Variants in LIPI observed in about 807,000 individuals in gnomAD.
LIPI encodes the protein lipase I.
LIPI carries 59 observed loss-of-function variants against 50.6 expected under a neutral mutation model. That is an observed-to-expected ratio of 1.16 (90% CI 0.94 to 1.45). The LOEUF is 1.45. Ranked by LOEUF, LIPI falls within the 40% of genes most tolerant of loss-of-function variation. The probability of loss-of-function intolerance (pLI) is 0.00; values close to 1 mark genes in which losing one functional copy is unlikely to be tolerated. For missense variants in LIPI, 586 were observed against 536.3 expected (o/e 1.09, Z -0.92); for synonymous variants, 203 against 178.2 (o/e 1.14, Z -1.11).
At chr21:14,113,576 G>A (rs28890299) in intron 9 of LIPI, among the ~76,000 whole-genome samples, 27,040 of 152,050 alleles carry the variant, frequency 0.18, 3,119 homozygotes, top group Non-Finnish European at 0.25. Flanking sequence ...CTTACTTCAA[G>A]TAGCCAAAAA....
At chr21:14,142,422 G>C (rs1310221894) in intron 9 of LIPI, among the ~76,000 whole-genome samples, 2 of 149,996 alleles carry the variant, frequency 1.3e-5, no homozygotes, top group Non-Finnish European at 3.0e-5. Context: ...CTTAATTATA[G>C]ATTATAATAA....
At chr21:14,132,715 C>T (rs536090085) in intron 9 of LIPI, among the ~76,000 whole-genome samples, 3 of 151,502 alleles carry the variant, frequency 2.0e-5, no homozygotes, top group Admixed American at 6.6e-5. Context: ...CATAAAACCA[C>T]AAAGTTCTTC....
At chr21:14,118,489 T>C (rs2016739416) in intron 9 of LIPI, among the ~76,000 whole-genome samples, 1 of 152,154 alleles carries the variant, frequency 6.6e-6, no homozygotes, top group South Asian at 2.1e-4. Flanking sequence ...GTGCCACTAT[T>C]AGGAAGAGAC....
intron 1 of LIPI, among the ~76,000 whole-genome samples, chr21:14,199,436 A>G (rs1306355400): frequency 6.6e-6 from 1 of 151,964 alleles, no homozygotes; most frequent in Non-Finnish European, 1.5e-5. Flanking sequence ...CAGAAACACA[A>G]CCACCAGAGA....
At chr21:14,135,710 A>G (rs2017471792) in intron 9 of LIPI, among the ~76,000 whole-genome samples, 1 of 152,192 alleles carries the variant, frequency 6.6e-6, no homozygotes. Context: ...CCTCTAAGTA[A>G]GCTTGAAAGG....
intron 4 of LIPI, among the ~76,000 whole-genome samples, chr21:14,173,313 A>T (rs895314193): frequency 6.6e-6 from 1 of 152,206 alleles, no homozygotes; most frequent in South Asian, 2.1e-4. Context: ...GGATTCACTA[A>T]CTGGAAAAAA....
chr21:14,111,844 T>C (rs1299342620), intron 9 of LIPI, among the ~76,000 whole-genome samples: 1 of 113,660 alleles, frequency 8.8e-6, no homozygotes, highest in African/African-American at 3.3e-5. Flanking sequence ...TTTATTTTCA[T>C]TTTGTTTTGT....
At position 14,189,114 on chromosome 21, in the gene LIPI, T is replaced by C. The variant is rs17000899; in HGVS notation, c.352A>G (p.Thr118Ala). 3,815 of 1,613,368 alleles carry C rather than the reference T, an allele frequency of 2.4e-3. 67 individuals carry two copies. In the African/African-American group the frequency reaches 0.045, roughly 19 times the overall value. Residue 118 changes from threonine to alanine, a missense_variant, in exon 2 of 10, where the codon ACA (threonine) becomes GCA (alanine). Transcript: ENST00000681601. ...ACTGCTCTATTATAAATAAAAGTTG[T>C]AGCACCCCGGCTCCAGTCTACTACA... The part of the protein sequence containing the change: ...VIVVDWSRGA[T>A]TFIYNRAVKN...
At chr21:14,144,927 TTA>T in intron 8 of LIPI, 128 bp from the exon 9 acceptor site, 1 of 591,114 alleles carries the variant, frequency 1.7e-6, no homozygotes, top group Non-Finnish European at 3.0e-6. Flanking sequence ...AAACAAAATA[TTA>T]TTGCAGTATT....
chr21:14,178,964 A>G (rs1167915249), intron 4 of LIPI, among the ~76,000 whole-genome samples: 1 of 152,188 alleles, frequency 6.6e-6, no homozygotes, highest in African/African-American at 2.4e-5. Context: ...GGCAACTCAG[A>G]TAACGAGAAG....
intron 9 of LIPI, chr21:14,143,633 C>T (rs1033119716): frequency 1.3e-5 from 2 of 152,070 alleles, no homozygotes; most frequent in African/African-American, 4.8e-5. Context: ...AGATTCCCAG[C>T]AACCTACACA....
intron 9 of LIPI, among the ~76,000 whole-genome samples, chr21:14,124,607 A>T (rs2016985701): frequency 6.6e-6 from 1 of 152,214 alleles, no homozygotes; most frequent in African/African-American, 2.4e-5. Context: ...GTATAAATAA[A>T]TGTAAAAGAC....
At position 14,115,648 on chromosome 21, in the gene LIPI, CAGA is replaced by C. The variant is rs765951986; in HGVS notation, c.1296-6571_1296-6569del. 1.3e-3 allele frequency among the ~76,000 whole-genome samples: 191 copies of C among 152,208 alleles called. 1 individual carries two copies. The highest frequency in any genetic ancestry group is 2.3e-3 in the Non-Finnish European group (154 of 68,002). ...CTTGGCACCACTGAGTAACACAGCCCAGAAGGAGAACGGTTTTCCCGTGTCTTG... is the reference window on the plus strand; with the variant it reads ...CTTGGCACCACTGAGTAACACAGCCCAGGAGAACGGTTTTCCCGTGTCTTG... On this transcript the variant is annotated intron_variant, in intron 9 of 9. Coordinates refer to ENST00000681601, the MANE Select transcript of LIPI (RefSeq NM_001302998.2).
intron 9 of LIPI, among the ~76,000 whole-genome samples, chr21:14,110,478 C>T (rs2016359462): frequency 6.6e-6 from 1 of 151,876 alleles, no homozygotes; most frequent in Non-Finnish European, 1.5e-5. Context: ...AGTTATTTTG[C>T]AACAAAAGCA....
At chr21:14,164,165 C>A (rs1187341296) in intron 6 of LIPI, among the ~76,000 whole-genome samples, 2 of 151,422 alleles carry the variant, frequency 1.3e-5, no homozygotes, top group East Asian at 3.9e-4. Context: ...TTTCTTTGTT[C>A]CCACATTGCT....
intron 9 of LIPI, among the ~76,000 whole-genome samples, chr21:14,138,207 A>G (rs1382459132): frequency 2.0e-5 from 3 of 152,068 alleles, no homozygotes; most frequent in Non-Finnish European, 4.4e-5. Flanking sequence ...TAGATAAAAA[A>G]TAAAAATAAA....
At chr21:14,118,257 A>G (rs1372135717) in intron 9 of LIPI, among the ~76,000 whole-genome samples, 1 of 152,092 alleles carries the variant, frequency 6.6e-6, no homozygotes, top group African/African-American at 2.4e-5. Flanking sequence ...CAAGGAGCCT[A>G]TGGTCTCAAT....
At chr21:14,180,134 C>T (rs1045427674) in intron 4 of LIPI, among the ~76,000 whole-genome samples, 1 of 152,146 alleles carries the variant, frequency 6.6e-6, no homozygotes, top group Non-Finnish European at 1.5e-5. Context: ...TGGTCTCCTG[C>T]AGTACCCTCA....
rs147742226 is a variant in LIPI at position 14,173,460 on chromosome 21, G to A, written c.644-7009C>T. Among the ~76,000 whole-genome samples, 22 of 152,212 alleles carry A rather than the reference G, an allele frequency of 1.4e-4. No individual in the cohort carries two copies. The East Asian group carries it at 2.1e-3, about 15-fold the overall frequency. The stretch of plus-strand genomic sequence containing the variant: ...ATGTACAGATTCTGAGCCCATTACC[G>A]GCATATAACTCAGAGAAGCCTTAAC... On this transcript the variant is annotated intron_variant, in intron 4 of 9. Coordinates refer to ENST00000681601, the MANE Select transcript of LIPI (RefSeq NM_001302998.2).
Sources: allele counts gnomAD v4.1 joint callset (sites outside exome capture counted in the v4.1 genomes callset), GRCh38; gene constraint gnomAD v4.1.1; transcripts MANE v1.5; gene names NCBI Gene and HGNC (gene_info 2026-07-23, HGNC 2026-07-21).